Variants in CMIP observed in about 807,000 individuals in gnomAD.
CMIP encodes C-Maf-inducing protein.
A neutral mutation model predicts 97.3 loss-of-function variants in CMIP; 13 were observed. The ratio of observed to expected loss-of-function variants is 0.13; its 90% CI spans 0.09 to 0.21. The LOEUF is 0.21. Among genes scored for constraint, CMIP ranks in the 10% least tolerant of loss-of-function variants. The pLI is 1.00. For synonymous variants in CMIP, 538 were observed against 436.3 expected, an observed-to-expected ratio of 1.23 and a Z score of -2.91; for missense variants, 847 against 1,024.9, an observed-to-expected ratio of 0.83 and a Z score of 2.37.
chr16:81,591,977 C>G (rs2091473474), intron 1 of CMIP, among the ~76,000 whole-genome samples: 1 of 151,740 alleles, frequency 6.6e-6, no homozygotes, highest in Admixed American at 6.6e-5. Flanking sequence ...GCGCCTGCCA[C>G]CACACATGGC....
intron 1 of CMIP, among the ~76,000 whole-genome samples, chr16:81,481,308 G>GC (rs1254033328): frequency 6.6e-6 from 1 of 152,204 alleles, no homozygotes; most frequent in Non-Finnish European, 1.5e-5. Context: ...CTCTGCATGA[G>GC]CTCCCTCATT....
chr16:81,604,120 G>A lies in CMIP; in HGVS notation c.301-3447G>A, dbSNP rs546704990. 1.4e-4 allele frequency among the ~76,000 whole-genome samples: 21 copies of A among 152,342 alleles called. No homozygotes were observed. The South Asian group carries it at 4.1e-3, about 30-fold the overall frequency. ...TTTTTAAAAACAGTATGGGTTGGGT[G>A]TGGTGGCTCACGCCTGTAATCCCAG... On this transcript the variant is annotated intron_variant, in intron 1 of 20. Coordinates refer to ENST00000537098, the MANE Select transcript of CMIP (RefSeq NM_198390.3).
intron 1 of CMIP, among the ~76,000 whole-genome samples, chr16:81,504,241 G>T (rs530074776): frequency 1.3e-5 from 2 of 151,934 alleles, no homozygotes. Context: ...CAGGAGAATC[G>T]CTTGAACCCG....
intron 1 of CMIP, among the ~76,000 whole-genome samples, chr16:81,561,347 T>C (rs2090879482): frequency 6.6e-6 from 1 of 152,152 alleles, no homozygotes; most frequent in Non-Finnish European, 1.5e-5. Flanking sequence ...TAGGGTGTCC[T>C]TTCCTGGGTT....
At chr16:81,594,235 A>C (rs540641695) in intron 1 of CMIP, among the ~76,000 whole-genome samples, 84 of 150,044 alleles carry the variant, frequency 5.6e-4, no homozygotes, top group African/African-American at 2.0e-3. Context: ...CTCCCACCTC[A>C]GCCTCCCAAG....
chr16:81,613,608 C>G (rs1453043206), intron 2 of CMIP, among the ~76,000 whole-genome samples: 2 of 152,224 alleles, frequency 1.3e-5, no homozygotes, highest in Admixed American at 6.5e-5. Context: ...ATACTTAGCA[C>G]TGTGCCTGGT....
intron 1 of CMIP, among the ~76,000 whole-genome samples, chr16:81,532,868 G>A (rs1213822707): frequency 6.6e-6 from 1 of 152,196 alleles, no homozygotes; most frequent in Non-Finnish European, 1.5e-5. Context: ...AGACAGCATG[G>A]CAAGTGAAAG....
intron 1 of CMIP, among the ~76,000 whole-genome samples, chr16:81,503,807 G>T (rs1332240585): frequency 6.6e-6 from 1 of 152,208 alleles, no homozygotes; most frequent in African/African-American, 2.4e-5. Context: ...GAACCCCATG[G>T]CACCCCTCCA....
At chr16:81,543,261 C>T (rs1221196588) in intron 1 of CMIP, among the ~76,000 whole-genome samples, 1 of 152,242 alleles carries the variant, frequency 6.6e-6, no homozygotes, top group East Asian at 1.9e-4. Flanking sequence ...TGTGGGCCAG[C>T]TTCCTGGCTG....
rs529303506 is a variant in CMIP, at chr16:81,583,458, G to C, written c.301-24109G>C. Among the ~76,000 whole-genome samples the C allele has an allele frequency of 3.2e-4, 49 of 152,354 alleles. No homozygotes were observed. In the South Asian group the frequency reaches 9.9e-3, roughly 31 times the overall value. On this transcript the variant is annotated intron_variant, in intron 1 of 20. Coordinates refer to ENST00000537098, the MANE Select transcript of CMIP (RefSeq NM_198390.3). The stretch of plus-strand genomic sequence containing the variant: ...AAATCTGAATTCTTTCTCAGTTAGT[G>C]CCCGAATTTGCTTTTTAAAAATAAG...
At chr16:81,635,211 G>A (rs760836932) in intron 3 of CMIP, among the ~76,000 whole-genome samples, 64 of 106,176 alleles carry the variant, frequency 6.0e-4, no homozygotes, top group African/African-American at 1.5e-3. Context: ...CCCCCACCCC[G>A]TAGTCTTTAA....
At chr16:81,517,829 C>T (rs1013707236) in intron 1 of CMIP, 73 of 454,552 alleles carry the variant, frequency 1.6e-4, no homozygotes, top group Admixed American at 1.9e-4. Context: ...TTTTGGAGTT[C>T]GACGTTCTCT....
chr16:81,606,554 C>T (rs1279356870), intron 1 of CMIP, among the ~76,000 whole-genome samples: 2 of 152,098 alleles, frequency 1.3e-5, no homozygotes, highest in Admixed American at 6.5e-5. Flanking sequence ...TATCTTGCCC[C>T]GCCCCTACTC....
At chr16:81,535,518 A>C (rs946693360) in intron 1 of CMIP, among the ~76,000 whole-genome samples, 3 of 144,046 alleles carry the variant, frequency 2.1e-5, no homozygotes, top group Admixed American at 7.2e-5. Flanking sequence ...CTCTAAGTGG[A>C]GCTAGTCAGA....
At chr16:81,658,470 T>C (rs953598938) in intron 5 of CMIP, among the ~76,000 whole-genome samples, 1 of 152,062 alleles carries the variant, frequency 6.6e-6, no homozygotes, top group Non-Finnish European at 1.5e-5. Flanking sequence ...CCGCAAAAAA[T>C]AGAGACATTG....
At chr16:81,517,228 C>G (rs1239812636) in intron 1 of CMIP, among the ~76,000 whole-genome samples, 1 of 96,230 alleles carries the variant, frequency 1.0e-5, no homozygotes, top group African/African-American at 3.1e-5. Flanking sequence ...AAAAGCCAGA[C>G]AGCCTCCAAG....
At position 81,476,565 on chromosome 16, in the gene CMIP, G is replaced by C. The variant is rs191352896; in HGVS notation, c.300+31024G>C. 67 of 557,348 alleles carry C rather than the reference G, an allele frequency of 1.2e-4. 1 individual carries two copies. The African/African-American group carries it at 1.2e-3, about 10-fold the overall frequency. The allele number at this position is 557,348 out of a possible 1,614,324, so 34.5% of individuals were successfully genotyped here. ...CGACGGCGCCGGTGTCTGCAGAGTGGCCATGTTTCCTAGATTGTAAAGTTT... is the reference window on the plus strand; with the variant it reads ...CGACGGCGCCGGTGTCTGCAGAGTGCCCATGTTTCCTAGATTGTAAAGTTT... On this transcript the variant is annotated intron_variant, in intron 1 of 20. Coordinates refer to ENST00000537098, the MANE Select transcript of CMIP (RefSeq NM_198390.3).
chr16:81,693,391 C>G, intron 12 of CMIP, 48 bp from the exon 13 acceptor site: 1 of 1,593,772 alleles, frequency 6.3e-7, no homozygotes, highest in Non-Finnish European at 8.6e-7. Flanking sequence ...ACACCTCCCA[C>G]TCAGTTCCAG....
chr16:81,668,472 C>T (rs2092635295), intron 7 of CMIP, among the ~76,000 whole-genome samples: 1 of 152,212 alleles, frequency 6.6e-6, no homozygotes, highest in East Asian at 1.9e-4. Context: ...TGGCAGAGCT[C>T]TCTGTGCCGT....
Sources: gnomAD v4.1 joint callset for allele counts (sites outside exome capture counted in the v4.1 genomes callset) on GRCh38, gnomAD v4.1.1 for gene constraint, MANE v1.5 for transcripts, NCBI Gene and HGNC (gene_info 2026-07-23, HGNC 2026-07-21) for gene names.